The following GRIK2 variants were observed in gnomAD, a reference collection of about 807,000 sequenced individuals.
GRIK2 encodes the protein glutamate receptor ionotropic, kainate 2.
In GRIK2, 32 loss-of-function variants were observed where a neutral mutation model predicts 100.3. That is an observed-to-expected ratio of 0.32 (90% confidence interval 0.24 to 0.43). GRIK2 has a LOEUF of 0.43. Ranked by LOEUF, GRIK2 falls within the 20% of genes least tolerant of loss-of-function variation. The probability of loss-of-function intolerance (pLI) is 1.00; values close to 1 mark genes in which losing one functional copy is unlikely to be tolerated. For synonymous variants in GRIK2, 417 were observed against 389.4 expected (o/e 1.07, Z -0.83); for missense variants, 843 against 1,114.9 (o/e 0.76, Z 3.47).
intron 5 of GRIK2, among the ~76,000 whole-genome samples, chr6:101,679,646 A>G (rs1370693476): frequency 6.6e-6 from 1 of 152,174 alleles, no homozygotes. Flanking sequence ...ATTATTAACT[A>G]ATCTTTTAAG....
chr6:102,030,808 T>A (rs1769944316), intron 14 of GRIK2, among the ~76,000 whole-genome samples: 1 of 151,020 alleles, frequency 6.6e-6, no homozygotes, highest in Non-Finnish European at 1.5e-5. Context: ...CTTGGTCAAT[T>A]GTATCTAATA....
chr6:101,894,617 G>C (rs1276396918), intron 12 of GRIK2, among the ~76,000 whole-genome samples: 1 of 151,526 alleles, frequency 6.6e-6, no homozygotes, highest in Non-Finnish European at 1.5e-5. Context: ...AGAGATGGCA[G>C]TTAGTCATAT....
intron 4 of GRIK2, among the ~76,000 whole-genome samples, chr6:101,627,106 T>TGC (rs1459737939): frequency 6.5e-5 from 9 of 138,668 alleles, no homozygotes; most frequent in Middle Eastern, 3.3e-3. Flanking sequence ...TGTGTGTGCG[T>TGC]GTGTGTGTCT....
intron 7 of GRIK2, among the ~76,000 whole-genome samples, chr6:101,761,461 G>C (rs893045850): frequency 2.0e-5 from 3 of 151,844 alleles, no homozygotes; most frequent in Admixed American, 6.6e-5. Context: ...TGCAATTGTG[G>C]CCCCACCCCT....
chr6:101,523,429 T>G (rs1167217849), intron 2 of GRIK2, among the ~76,000 whole-genome samples: 1 of 152,130 alleles, frequency 6.6e-6, no homozygotes, highest in African/African-American at 2.4e-5. Flanking sequence ...AAGGAAGAAG[T>G]AGAAGTACAG....
At chr6:101,628,072 A>G (rs891707655) in intron 4 of GRIK2, among the ~76,000 whole-genome samples, 3 of 152,152 alleles carry the variant, frequency 2.0e-5, no homozygotes, top group Non-Finnish European at 2.9e-5. Flanking sequence ...ACACTTCGCT[A>G]TACTTTCATA....
At chr6:101,794,613 T>A (rs1471995064) in intron 7 of GRIK2, among the ~76,000 whole-genome samples, 4 of 151,454 alleles carry the variant, frequency 2.6e-5, no homozygotes. Context: ...TTTATGGAAC[T>A]TTTCATTAAT....
At chr6:101,828,581 A>T (rs994737075) in intron 10 of GRIK2, among the ~76,000 whole-genome samples, 1 of 151,950 alleles carries the variant, frequency 6.6e-6, no homozygotes, top group Non-Finnish European at 1.5e-5. Context: ...TGAACACAAC[A>T]TATGTGATAT....
intron 2 of GRIK2, among the ~76,000 whole-genome samples, chr6:101,607,258 T>C (rs1297548381): frequency 6.6e-6 from 1 of 152,028 alleles, no homozygotes; most frequent in Non-Finnish European, 1.5e-5. Context: ...TGAAGCGTTA[T>C]ATGGGTTCAT....
At chr6:101,561,191 T>G (rs1034801178) in intron 2 of GRIK2, among the ~76,000 whole-genome samples, 3 of 152,162 alleles carry the variant, frequency 2.0e-5, no homozygotes. Flanking sequence ...TGTCCAAAGA[T>G]GAAGGTCAAG....
At position 101,466,749 on chromosome 6, in the gene GRIK2, C is replaced by T. The variant is rs1771669405; in HGVS notation, c.115+67357C>T. On this transcript the variant is annotated intron_variant, in intron 2 of 16. Coordinates refer to ENST00000369134, the MANE Select transcript of GRIK2 (RefSeq NM_021956.5). ...CAGCAATTTCAGGCAACCACAAAAG[C>T]TCTGATGTATTTTGAAGGAGTTTGT... Among the ~76,000 whole-genome samples, 3 of 152,130 alleles carry T rather than the reference C, an allele frequency of 2.0e-5. No homozygotes were observed. In the South Asian group the frequency reaches 6.2e-4, roughly 31 times the overall value.
chr6:101,726,446 T>C (rs1241229293), intron 7 of GRIK2, among the ~76,000 whole-genome samples: 1 of 152,046 alleles, frequency 6.6e-6, no homozygotes, highest in Non-Finnish European at 1.5e-5. Flanking sequence ...TCTGTTTTAA[T>C]AATAAACTCG....
chr6:101,911,119 G>A (rs576172153), intron 12 of GRIK2, among the ~76,000 whole-genome samples: 3 of 151,322 alleles, frequency 2.0e-5, no homozygotes, highest in Non-Finnish European at 4.4e-5. Context: ...GAAATGAGCT[G>A]GTAAGGAGAG....
chr6:101,413,761 G>A (rs12191181), intron 2 of GRIK2, among the ~76,000 whole-genome samples: 13,349 of 152,038 alleles, frequency 0.088, 613 homozygotes, highest in South Asian at 0.11. Context: ...TTATCAATAT[G>A]TATTTATATT....
intron 2 of GRIK2, among the ~76,000 whole-genome samples, chr6:101,402,380 A>G (rs989927991): frequency 6.6e-6 from 1 of 152,172 alleles, no homozygotes; most frequent in Non-Finnish European, 1.5e-5. Flanking sequence ...AGTTACACCC[A>G]GGAGCGTCTC....
chr6:101,925,277 T>C (rs1476095068), intron 13 of GRIK2, among the ~76,000 whole-genome samples: 1 of 152,110 alleles, frequency 6.6e-6, no homozygotes, highest in African/African-American at 2.4e-5. Flanking sequence ...CGGAAGTGCA[T>C]GCAAAAATAC....
At chr6:101,842,235 T>A (rs548757734) in intron 10 of GRIK2, among the ~76,000 whole-genome samples, 74 of 152,228 alleles carry the variant, frequency 4.9e-4, no homozygotes, top group African/African-American at 1.7e-3. Flanking sequence ...GGGCCACCAT[T>A]CCTCTTCTTC....
chr6:101,605,942 C>T (rs1196056648), intron 2 of GRIK2, among the ~76,000 whole-genome samples: 1 of 152,000 alleles, frequency 6.6e-6, no homozygotes, highest in African/African-American at 2.4e-5. Context: ...AAGTAGAGCT[C>T]ACTTCCTATT....
chr6:102,007,069 A>G (rs988511665), intron 14 of GRIK2, among the ~76,000 whole-genome samples: 1 of 152,090 alleles, frequency 6.6e-6, no homozygotes, highest in East Asian at 1.9e-4. Context: ...GCATGATACA[A>G]TTGTAAACAA....
Sources: gnomAD v4.1 joint callset for allele counts (sites outside exome capture counted in the v4.1 genomes callset) on GRCh38, gnomAD v4.1.1 for gene constraint, MANE v1.5 for transcripts, NCBI Gene and HGNC (gene_info 2026-07-23, HGNC 2026-07-21) for gene names.